OSMR: variants seen among roughly 807,000 people sequenced by gnomAD.
The protein encoded by OSMR is oncostatin-M-specific receptor subunit beta.
A neutral mutation model predicts 99.9 loss-of-function variants in OSMR; 81 were observed. The ratio of observed to expected loss-of-function variants is 0.81; its 90% CI spans 0.68 to 0.97. The LOEUF (loss-of-function observed/expected upper bound fraction) is 0.97, where lower values mean the gene tolerates loss of function less well. Among genes scored for constraint, OSMR ranks in the 50% least tolerant of loss-of-function variants. The probability of loss-of-function intolerance (pLI) is 0.00; values close to 1 mark genes in which losing one functional copy is unlikely to be tolerated. For missense variants in OSMR, 1,099 were observed against 1,153.4 expected, an observed-to-expected ratio of 0.95 and a Z score of 0.68; for synonymous variants, 406 against 410.4, an observed-to-expected ratio of 0.99 and a Z score of 0.13.
chr5:38,906,086 G>A (rs1745210336), intron 9 of OSMR, among the ~76,000 whole-genome samples: 1 of 151,936 alleles, frequency 6.6e-6, no homozygotes, highest in African/African-American at 2.4e-5. Context: ...TCTTTGTTCT[G>A]GAAGGCCCTG....
At chr5:38,924,394 T>C (rs1356944390) in intron 13 of OSMR, 28 bp from the exon 14 acceptor site, 1 of 1,613,954 alleles carries the variant, frequency 6.2e-7, no homozygotes. Context: ...AATCATGACT[T>C]TTCTCTTATC....
intron 3 of OSMR, among the ~76,000 whole-genome samples, chr5:38,879,083 C>T (rs779376574): frequency 2.0e-4 from 31 of 152,202 alleles, no homozygotes; most frequent in Admixed American, 1.5e-3. Flanking sequence ...CTATGAGGTT[C>T]GGGTTAGGCC....
In OSMR at chr5:38,849,282, G is replaced by A. The variant is rs77760098; in HGVS notation, c.-14+2895G>A. ...GCCCCTTTTTCCACTTGATAGATAC[G>A]AAGTGGAAGGTAACGATGTAACTTA... On this transcript the variant is annotated intron_variant, in intron 1 of 17. Transcript: ENST00000274276. Among the ~76,000 whole-genome samples, 911 of 152,278 alleles carry A rather than the reference G, an allele frequency of 6.0e-3. 21 individuals are homozygous for A. The highest frequency in any genetic ancestry group is 0.021 in the African/African-American group (873 of 41,546).
At chr5:38,911,740 A>T (rs1157418990) in intron 9 of OSMR, among the ~76,000 whole-genome samples, 1 of 152,254 alleles carries the variant, frequency 6.6e-6, no homozygotes, top group Non-Finnish European at 1.5e-5. Flanking sequence ...TATCCCTGGG[A>T]TGCAAGGTTG....
At chr5:38,940,206 C>T (rs1352588169), downstream of OSMR, 1 of 226,018 alleles carries the variant, frequency 4.4e-6, no homozygotes, top group East Asian at 6.2e-5. Flanking sequence ...GATAGATGAC[C>T]AAGGTGAGGG....
intron 1 of OSMR, among the ~76,000 whole-genome samples, chr5:38,861,450 A>G (rs1318782295): frequency 2.0e-5 from 3 of 152,224 alleles, no homozygotes; most frequent in Non-Finnish European, 4.4e-5. Flanking sequence ...AAGGTCACCG[A>G]TCAACAGGAT....
chr5:38,938,570 C>G (rs1747214312), downstream of OSMR: 1 of 232,716 alleles, frequency 4.3e-6, no homozygotes, highest in African/African-American at 2.2e-5. Context: ...CTATCCGATA[C>G]TTACATTACA....
chr5:38,847,018 T>C (rs1326150117), intron 1 of OSMR, among the ~76,000 whole-genome samples: 1 of 152,212 alleles, frequency 6.6e-6, no homozygotes, highest in Non-Finnish European at 1.5e-5. Flanking sequence ...TGCTAGGTGC[T>C]GCTGATGGAG....
Position 38,881,574 on chromosome 5 carries a change from G to T in OSMR, c.247-19G>T. On this transcript the variant is annotated intron_variant, in intron 3 of 17. Transcript: ENST00000274276. Reference sequence around the variant, plus strand: ...ACAAGATGGCTATGTGTCTCCAATTGTTTTCTCTTTGCTTTTAGGGGAATT... The same window carrying T: ...ACAAGATGGCTATGTGTCTCCAATTTTTTTCTCTTTGCTTTTAGGGGAATT... The T allele has an allele frequency of 1.9e-6, 3 of 1,614,128 alleles. No homozygotes were observed.
At position 38,943,054 on chromosome 5, in the gene OSMR, T is replaced by C. The variant is rs141968603; in HGVS notation, c.75-1147T>C. On this transcript the variant is annotated intron_variant and NMD_transcript_variant, in intron 1 of 2. Transcript: ENST00000508882. ...TCCAAGGTATCACTTACTTTAAAAA[T>C]AGATTTCCCTACAGATATGGATTAG... 8,751 of 956,936 alleles carry C rather than the reference T, an allele frequency of 9.1e-3. 59 individuals are homozygous for C. Among genetic ancestry groups the C allele is most frequent in the Non-Finnish European group, 0.012 (7,405 of 617,140 alleles). 59.3% of individuals were successfully genotyped at this position (956,936 alleles called of 1,614,324 possible).
intron 3 of OSMR, among the ~76,000 whole-genome samples, chr5:38,877,652 A>G (rs1244977420): frequency 6.6e-6 from 1 of 152,192 alleles, no homozygotes; most frequent in Non-Finnish European, 1.5e-5. Flanking sequence ...GAGACTAAGG[A>G]TTATCTACAA....
At chr5:38,910,836 C>T (rs1267341191) in intron 9 of OSMR, among the ~76,000 whole-genome samples, 1 of 152,210 alleles carries the variant, frequency 6.6e-6, no homozygotes, top group Non-Finnish European at 1.5e-5. Flanking sequence ...TGGTGAAACC[C>T]CATCTCTACT....
intron 7 of OSMR, among the ~76,000 whole-genome samples, chr5:38,900,070 G>A (rs532774961): frequency 1.3e-5 from 2 of 152,280 alleles, no homozygotes; most frequent in African/African-American, 2.4e-5. Context: ...GGTGAGCCTC[G>A]ACAGAATCAC....
chr5:38,887,818 A>G (rs1476223334), intron 7 of OSMR, among the ~76,000 whole-genome samples: 2 of 152,168 alleles, frequency 1.3e-5, no homozygotes, highest in Non-Finnish European at 2.9e-5. Context: ...GTGCGTGGAC[A>G]TAGTATATTT....
intron 1 of OSMR, among the ~76,000 whole-genome samples, chr5:38,856,560 A>T (rs967696): frequency 6.6e-6 from 1 of 152,100 alleles, no homozygotes; most frequent in African/African-American, 2.4e-5. Flanking sequence ...GAATCTGAGC[A>T]CAAAAGCTAA....
At chr5:38,943,048 T>A in intron 1 of OSMR, 3 of 1,038,600 alleles carry the variant, frequency 2.9e-6, no homozygotes, top group African/African-American at 1.6e-5. Flanking sequence ...TCACTTACTT[T>A]AAAAATAGAT....
At chr5:38,913,453 GGTGGAAGAA>G (rs1357025301) in intron 9 of OSMR, among the ~76,000 whole-genome samples, 2 of 151,954 alleles carry the variant, frequency 1.3e-5, no homozygotes, top group African/African-American at 4.8e-5. Context: ...AAGAGGCTGA[GGTGGAAGAA>G]AGGCATGAAC....
Position 38,888,716 on chromosome 5 carries a change from C to T in OSMR, c.991+2526C>T, listed in dbSNP as rs141631170. 2.7e-3 allele frequency among the ~76,000 whole-genome samples: 417 copies of T among 152,242 alleles called. 6 individuals carry two copies. Among genetic ancestry groups the T allele is most frequent in the African/African-American group, 9.7e-3 (405 of 41,542 alleles). Reference sequence around the variant, plus strand: ...ACATAGATATTACCTGTTACATCATCTCCCTTTTAAATCTTGCTGCATCTC... The same window carrying T: ...ACATAGATATTACCTGTTACATCATTTCCCTTTTAAATCTTGCTGCATCTC... On this transcript the variant is annotated intron_variant, in intron 7 of 17. Coordinates refer to ENST00000274276, the MANE Select transcript of OSMR (RefSeq NM_003999.3).
intron 7 of OSMR, 34 bp downstream of exon 7, chr5:38,886,224 A>G (rs1248849195): frequency 6.2e-7 from 1 of 1,614,006 alleles, no homozygotes; most frequent in Non-Finnish European, 8.5e-7. Context: ...CACCGTGGCC[A>G]CTAACGTGTC....
Sources: gnomAD v4.1 joint callset for allele counts (sites outside exome capture counted in the v4.1 genomes callset) on GRCh38, gnomAD v4.1.1 for gene constraint, MANE v1.5 for transcripts, NCBI Gene and HGNC (gene_info 2026-07-23, HGNC 2026-07-21) for gene names.